Variants in GRID2 observed in about 807,000 individuals in gnomAD.
GRID2 encodes glutamate ionotropic receptor delta type subunit 2.
A neutral mutation model predicts 114.8 loss-of-function variants in GRID2; 33 were observed. The ratio of observed to expected loss-of-function variants is 0.29; its 90% confidence interval spans 0.22 to 0.38. GRID2 has a LOEUF of 0.38. Among genes scored for constraint, GRID2 ranks in the 10% least tolerant of loss-of-function variants. The probability of loss-of-function intolerance (pLI) is 1.00; values close to 1 mark genes in which losing one functional copy is unlikely to be tolerated. For synonymous variants in GRID2, 505 were observed against 449.9 expected, an observed-to-expected ratio of 1.12 and a Z score of -1.55; for missense variants, 1,184 against 1,257.7, an observed-to-expected ratio of 0.94 and a Z score of 0.89.
downstream of GRID2, among the ~76,000 whole-genome samples, chr4:93,777,913 G>A (rs1270448317): frequency 1.3e-5 from 2 of 152,116 alleles, no homozygotes; most frequent in South Asian, 2.1e-4. Flanking sequence ...GAATTAAGTA[G>A]CCTACTTAAG....
At chr4:92,995,917 C>T (rs1755168989) in intron 2 of GRID2, among the ~76,000 whole-genome samples, 1 of 151,902 alleles carries the variant, frequency 6.6e-6, no homozygotes, top group East Asian at 1.9e-4. Context: ...CTATTCCATA[C>T]TGTAATGACA....
intron 10 of GRID2, among the ~76,000 whole-genome samples, chr4:93,431,958 A>G (rs1226062363): frequency 6.6e-6 from 1 of 152,134 alleles, no homozygotes; most frequent in Non-Finnish European, 1.5e-5. Flanking sequence ...TATGTTAATA[A>G]TAGATAGGCA....
intron 2 of GRID2, among the ~76,000 whole-genome samples, chr4:92,722,201 C>T (rs1169184856): frequency 6.6e-6 from 1 of 152,156 alleles, no homozygotes; most frequent in Admixed American, 6.6e-5. Context: ...GAAGGCATCT[C>T]TGGATTTGGG....
chr4:92,961,737 G>A (rs1002413121), intron 2 of GRID2, among the ~76,000 whole-genome samples: 10 of 151,136 alleles, frequency 6.6e-5, no homozygotes, highest in Admixed American at 2.6e-4. Context: ...ATTCTTGGTC[G>A]TGGGTGATTC....
intron 11 of GRID2, among the ~76,000 whole-genome samples, chr4:93,456,276 T>C (rs1246697339): frequency 6.6e-6 from 1 of 152,198 alleles, no homozygotes; most frequent in Non-Finnish European, 1.5e-5. Flanking sequence ...CTCCAAACTC[T>C]GACTTTCTGA....
At chr4:92,580,794 G>A (rs1394714826) in intron 1 of GRID2, among the ~76,000 whole-genome samples, 1 of 151,534 alleles carries the variant, frequency 6.6e-6, no homozygotes, top group Non-Finnish European at 1.5e-5. Context: ...GTTACAAGAA[G>A]AAAAATGTTA....
rs867124238 is a variant in GRID2, at chr4:93,524,959, A to G, written c.2193+9548A>G. 9.2e-5 allele frequency among the ~76,000 whole-genome samples: 14 copies of G among 151,682 alleles called. No individual in the cohort carries two copies. The Middle Eastern group carries it at 0.01, about 111-fold the overall frequency. On this transcript the variant is annotated intron_variant, in intron 13 of 15. Coordinates refer to ENST00000282020, the MANE Select transcript of GRID2 (RefSeq NM_001510.4). ...TGCTGTTGACAGAGTATGTTCTTTT[A>G]AAATTGCTTTTTTCCACAGTGATTT... is the stretch of plus-strand genomic sequence containing the variant.
chr4:92,975,134 G>T (rs1202836538), intron 2 of GRID2, among the ~76,000 whole-genome samples: 1 of 96,162 alleles, frequency 1.0e-5, no homozygotes, highest in African/African-American at 5.0e-5. Context: ...TCCAGCCTGG[G>T]CGACAGAGTG....
At chr4:93,661,715 T>C (rs182002972) in intron 14 of GRID2, among the ~76,000 whole-genome samples, 87 of 152,314 alleles carry the variant, frequency 5.7e-4, no homozygotes, top group Admixed American at 1.2e-3. Flanking sequence ...ATTCAGTGTT[T>C]GCAGTGATTT....
chr4:92,458,905 A>G (rs1056517026), intron 1 of GRID2, among the ~76,000 whole-genome samples: 1 of 152,180 alleles, frequency 6.6e-6, no homozygotes, highest in Admixed American at 6.6e-5. Context: ...GTAGGTAGAG[A>G]CTTCATTCTT....
At chr4:92,431,141 G>A (rs916807839) in intron 1 of GRID2, among the ~76,000 whole-genome samples, 50 of 152,128 alleles carry the variant, frequency 3.3e-4, no homozygotes. Flanking sequence ...CCAGTACAAT[G>A]TTGAATACAA....
intron 14 of GRID2, among the ~76,000 whole-genome samples, chr4:93,734,689 TG>T (rs1730776093): frequency 2.0e-5 from 3 of 151,744 alleles, no homozygotes; most frequent in Admixed American, 1.3e-4. Context: ...ATCTTAGTGG[TG>T]GGAGTGTATG....
At chr4:92,526,100 T>C (rs1449205721) in intron 1 of GRID2, among the ~76,000 whole-genome samples, 1 of 151,266 alleles carries the variant, frequency 6.6e-6, no homozygotes, top group African/African-American at 2.4e-5. Flanking sequence ...CTCAAATAGA[T>C]GGGTCATCTC....
intron 1 of GRID2, among the ~76,000 whole-genome samples, chr4:92,486,912 G>A (rs1250582567): frequency 4.0e-5 from 6 of 151,772 alleles, no homozygotes; most frequent in Non-Finnish European, 5.9e-5. Context: ...ATAACCCAAA[G>A]GAACGTTTAA....
chr4:92,943,386 G>A, intron 2 of GRID2, among the ~76,000 whole-genome samples: 1 of 151,992 alleles, frequency 6.6e-6, no homozygotes, highest in Non-Finnish European at 1.5e-5. Context: ...ACTGAGGCTT[G>A]TGCATTCATC....
chr4:93,463,766 G>T (rs1253186620), intron 11 of GRID2, among the ~76,000 whole-genome samples: 1 of 151,970 alleles, frequency 6.6e-6, no homozygotes, highest in African/African-American at 2.4e-5. Context: ...AAGGTGGGTG[G>T]ATCAGGAGGT....
chr4:93,008,736 G>T (rs1415101387), intron 2 of GRID2, among the ~76,000 whole-genome samples: 1 of 151,882 alleles, frequency 6.6e-6, no homozygotes, highest in Non-Finnish European at 1.5e-5. Flanking sequence ...CTTTTGCATC[G>T]GCCATAGATA....
intron 11 of GRID2, among the ~76,000 whole-genome samples, chr4:93,470,534 A>G (rs893593287): frequency 1.3e-5 from 2 of 152,146 alleles, no homozygotes; most frequent in East Asian, 1.9e-4. Flanking sequence ...TAATTGTACT[A>G]GTTTATAGCT....
intron 1 of GRID2, among the ~76,000 whole-genome samples, chr4:92,461,407 A>G (rs536248255): frequency 6.6e-6 from 1 of 151,822 alleles, no homozygotes; most frequent in South Asian, 2.1e-4. Context: ...GTTTCTAAGA[A>G]CCTATTGACA....
Sources: allele counts gnomAD v4.1 joint callset (sites outside exome capture counted in the v4.1 genomes callset), GRCh38; gene constraint gnomAD v4.1.1; transcripts MANE v1.5; gene names NCBI Gene and HGNC (gene_info 2026-07-23, HGNC 2026-07-21).